Variants in DTNA observed in about 807,000 individuals in gnomAD.
DTNA encodes dystrophin-related protein 3.
DTNA carries 43 observed loss-of-function variants against 100.7 expected under a neutral mutation model. The ratio of observed to expected loss-of-function variants is 0.43; its 90% confidence interval spans 0.33 to 0.55. DTNA has a LOEUF of 0.55. Among genes scored for constraint, DTNA ranks in the 20% least tolerant of loss-of-function variants. The pLI, the probability that DTNA is intolerant of heterozygous loss-of-function variation, is 0.04. For missense variants in DTNA, 798 were observed against 953.9 expected, an observed-to-expected ratio of 0.84 and a Z score of 2.15; for synonymous variants, 349 against 347.9, an observed-to-expected ratio of 1.00 and a Z score of -0.04.
chr18:34,854,505 G>T (rs1268089681), intron 15 of DTNA, among the ~76,000 whole-genome samples: 2 of 152,170 alleles, frequency 1.3e-5, no homozygotes, highest in Non-Finnish European at 2.9e-5. Flanking sequence ...AAAGAAGAAA[G>T]GAGGAAAGGA....
upstream of DTNA, among the ~76,000 whole-genome samples, chr18:34,706,367 T>C (rs2082118324): frequency 6.6e-6 from 1 of 152,232 alleles, no homozygotes; most frequent in African/African-American, 2.4e-5. Flanking sequence ...TCAACTTCTC[T>C]ACAATGGACA....
chr18:34,616,969 A>AT (rs538497755), intron 1 of DTNA, among the ~76,000 whole-genome samples: 115 of 152,160 alleles, frequency 7.6e-4, no homozygotes, highest in Non-Finnish European at 8.5e-4. Flanking sequence ...TTTTTCATTG[A>AT]TTTTGTGCCC....
chr18:34,514,793 A>T (rs1248172676), intron 1 of DTNA, among the ~76,000 whole-genome samples: 4 of 151,824 alleles, frequency 2.6e-5, no homozygotes, highest in African/African-American at 9.7e-5. Context: ...TTCATAAGGG[A>T]ATTAATACCA....
intron 3 of DTNA, among the ~76,000 whole-genome samples, chr18:34,786,616 G>A (rs2094517940): frequency 6.6e-6 from 1 of 151,764 alleles, no homozygotes; most frequent in African/African-American, 2.4e-5. Context: ...CATGCGCATG[G>A]ATATACACAC....
intron 17 of DTNA, chr18:34,867,766 A>T: frequency 2.0e-6 from 2 of 985,474 alleles, no homozygotes; most frequent in Non-Finnish European, 2.4e-6. Flanking sequence ...GGATGCACAG[A>T]GCCAAACTGT....
At chr18:34,576,317 C>A (rs1017957246) in intron 1 of DTNA, among the ~76,000 whole-genome samples, 8 of 152,218 alleles carry the variant, frequency 5.3e-5, no homozygotes, top group Non-Finnish European at 8.8e-5. Flanking sequence ...ATATCCCACT[C>A]AGATCCCAAG....
At chr18:34,642,036 CT>C (rs1264305515) in intron 1 of DTNA, among the ~76,000 whole-genome samples, 2 of 152,194 alleles carry the variant, frequency 1.3e-5, no homozygotes, top group Non-Finnish European at 2.9e-5. Flanking sequence ...ACTTGTTTAA[CT>C]ACTTTATAGC....
chr18:34,830,475 T>C (rs1256219690), intron 11 of DTNA, among the ~76,000 whole-genome samples: 1 of 152,204 alleles, frequency 6.6e-6, no homozygotes, highest in African/African-American at 2.4e-5. Flanking sequence ...GATATAACTT[T>C]GAAGTCTTTT....
In DTNA at chr18:34,781,992, T is replaced by C. The variant is rs79893341; in HGVS notation, c.149-12045T>C. On this transcript the variant is annotated intron_variant, in intron 3 of 22. Coordinates refer to ENST00000444659, the MANE Select transcript of DTNA (RefSeq NM_001386795.1). ...CTTTCAGAATGTGGCCTCTGGCTTC[T>C]AGGATTCTGGCCACAGTTCAAGTTA... is the stretch of plus-strand genomic sequence containing the variant. 8.5e-3 allele frequency among the ~76,000 whole-genome samples: 1,288 copies of C among 152,348 alleles called. 22 individuals carry two copies. The highest frequency in any genetic ancestry group is 0.028 in the African/African-American group (1,167 of 41,590).
intron 1 of DTNA, among the ~76,000 whole-genome samples, chr18:34,497,568 G>C (rs1017787869): frequency 6.6e-6 from 1 of 151,950 alleles, no homozygotes; most frequent in Middle Eastern, 3.2e-3. Context: ...TTCTGATTCT[G>C]TATTTCATAC....
chr18:34,737,538 A>G (rs942701308), intron 1 of DTNA, among the ~76,000 whole-genome samples: 1 of 152,114 alleles, frequency 6.6e-6, no homozygotes, highest in African/African-American at 2.4e-5. Context: ...CATACAACCA[A>G]GGGATGCTTA....
At chr18:34,658,417 A>T (rs1387322133) in intron 1 of DTNA, among the ~76,000 whole-genome samples, 2 of 152,108 alleles carry the variant, frequency 1.3e-5, no homozygotes, top group Non-Finnish European at 2.9e-5. Flanking sequence ...CAGTGGCGTG[A>T]TCTTGGCTCA....
In DTNA at chr18:34,566,304, T is replaced by A. The variant is rs141377227; in HGVS notation, c.-2+72790T>A. On this transcript the variant is annotated intron_variant, in intron 1 of 19. Transcript: ENST00000283365. ...CTTTAAAAAAAAAAAAAGGAAGGTG[T>A]CAGATTAGGTTAAGCTGATTAAGTA... Among the ~76,000 whole-genome samples, 258 of 150,868 alleles carry A rather than the reference T, an allele frequency of 1.7e-3. 9 individuals carry two copies. The East Asian group carries it at 0.041, about 24-fold the overall frequency.
intron 22 of DTNA, among the ~76,000 whole-genome samples, chr18:34,886,000 G>A (rs532645669): frequency 6.6e-6 from 1 of 152,296 alleles, no homozygotes; most frequent in Admixed American, 6.5e-5. Flanking sequence ...GTAGTTCAAA[G>A]CTAATATACC....
chr18:34,600,224 A>G (rs549739695), intron 1 of DTNA, among the ~76,000 whole-genome samples: 2 of 152,298 alleles, frequency 1.3e-5, no homozygotes, highest in East Asian at 1.9e-4. Flanking sequence ...TTTTTATTAC[A>G]TATTTAATTA....
chr18:34,826,054 A>G (rs1377100296), intron 9 of DTNA, among the ~76,000 whole-genome samples: 3 of 152,176 alleles, frequency 2.0e-5, no homozygotes, highest in African/African-American at 7.2e-5. Context: ...GATATGTCTT[A>G]GATAAGTAAT....
intron 17 of DTNA, among the ~76,000 whole-genome samples, chr18:34,870,325 A>G (rs1332216085): frequency 6.6e-6 from 1 of 152,100 alleles, no homozygotes; most frequent in Admixed American, 6.6e-5. Context: ...ACTTCTTCCA[A>G]ACACTTCATG....
At position 34,889,240 on chromosome 18, in the gene DTNA, G is replaced by A; in HGVS notation, c.*1506G>A. Reference sequence around the variant, plus strand: ...AAGGAGAGAACATTTTAGAACAATAGTTCTCAAAGTGTGTTCCCCGGACAA... The same window carrying A: ...AAGGAGAGAACATTTTAGAACAATAATTCTCAAAGTGTGTTCCCCGGACAA... On this transcript the variant is annotated 3_prime_UTR_variant, in exon 23 of 23. Coordinates refer to ENST00000444659, the MANE Select transcript of DTNA (RefSeq NM_001386795.1). The A allele has an allele frequency of 1.0e-6, 1 of 985,354 alleles. No homozygotes were observed. Among genetic ancestry groups the A allele is most frequent in the Non-Finnish European group, 1.2e-6 (1 of 829,918 alleles). The allele number at this position is 985,354 out of a possible 1,614,324, so 61.0% of individuals were successfully genotyped here. A position where few individuals can be genotyped will look rare whatever the true frequency, so the allele number is the denominator to read the frequency against.
rs183455340 is a variant in DTNA, at chr18:34,687,145, G to T, written c.-1-68831G>T. Among the ~76,000 whole-genome samples, 383 of 152,100 alleles carry T rather than the reference G, an allele frequency of 2.5e-3. 3 individuals carry two copies. Among genetic ancestry groups the T allele is most frequent in the Middle Eastern group, 6.8e-3 (2 of 294 alleles). ...GTTTTTCATGTCTCTATCTCCTTCA[G>T]TTCTGTTCTGATCTTAGTTATTTCT... On this transcript the variant is annotated intron_variant, in intron 1 of 19. Coordinates refer to the DTNA transcript ENST00000283365.
Sources: gnomAD v4.1 joint callset for allele counts (sites outside exome capture counted in the v4.1 genomes callset) on GRCh38, gnomAD v4.1.1 for gene constraint, MANE v1.5 for transcripts, NCBI Gene and HGNC (gene_info 2026-07-23, HGNC 2026-07-21) for gene names.